MAPKAPK5: variants seen among roughly 807,000 people sequenced by gnomAD.
The protein encoded by MAPKAPK5 is MAP kinase-activated protein kinase 5.
MAPKAPK5 carries 30 observed loss-of-function variants against 65.1 expected under a neutral mutation model. The observed-to-expected ratio is 0.46, with a 90% CI of 0.34 to 0.63. MAPKAPK5 has a LOEUF of 0.63. Ranked by LOEUF, MAPKAPK5 falls within the 20% of genes least tolerant of loss-of-function variation. The pLI is 0.01. For synonymous variants in MAPKAPK5, 179 were observed against 204.6 expected, an observed-to-expected ratio of 0.87 and a Z score of 1.07; for missense variants, 433 against 581.4, an observed-to-expected ratio of 0.74 and a Z score of 2.63.
At chr12:111,887,424 C>T (rs1030983067) in intron 10 of MAPKAPK5, among the ~76,000 whole-genome samples, 1 of 152,156 alleles carries the variant, frequency 6.6e-6, no homozygotes, top group Non-Finnish European at 1.5e-5. Flanking sequence ...GTAATCCCAG[C>T]AGTTTTGAGA....
At chr12:111,892,248 CTGTGG>C (rs1251303707) in intron 13 of MAPKAPK5, among the ~76,000 whole-genome samples, 1 of 152,116 alleles carries the variant, frequency 6.6e-6, no homozygotes, top group Non-Finnish European at 1.5e-5. Context: ...AAGAAAAGGG[CTGTGG>C]TGAATACTCT....
intron 1 of MAPKAPK5, among the ~76,000 whole-genome samples, chr12:111,843,707 G>A (rs189563935): frequency 1.3e-5 from 2 of 152,286 alleles, no homozygotes; most frequent in Admixed American, 1.3e-4. Context: ...AATTCTTTAG[G>A]TGGTGTATAT....
chr12:111,902,206 C>T lies in MAPKAPK5; in HGVS notation c.*9145C>T, dbSNP rs532020496. On this transcript the variant is annotated 3_prime_UTR_variant, in exon 14 of 14. Transcript: ENST00000550735. ...TTTAAATCCAAAAACAAATAAAACC[C>T]GATTCATATTAGACAACTCTTCAGG... 19 of 152,200 alleles carry T rather than the reference C, an allele frequency of 1.2e-4. No individual in the cohort carries two copies. In the South Asian group the frequency reaches 3.1e-3, roughly 25 times the overall value. The allele number at this position is 152,200 out of a possible 1,614,324, so 9.4% of individuals were successfully genotyped here. A position where few individuals can be genotyped will look rare whatever the true frequency, so the allele number is the denominator to read the frequency against.
At chr12:111,843,448 T>A (rs566716894) in intron 1 of MAPKAPK5, 44 of 381,850 alleles carry the variant, frequency 1.2e-4, no homozygotes, top group African/African-American at 6.8e-4. Flanking sequence ...TTTTTTTTTT[T>A]AAAGGCACAT....
intron 3 of MAPKAPK5, among the ~76,000 whole-genome samples, chr12:111,867,176 C>G (rs1188879110): frequency 6.6e-6 from 1 of 152,182 alleles, no homozygotes; most frequent in East Asian, 1.9e-4. Flanking sequence ...AAGTGATCCA[C>G]TTTGGCCTCC....
rs2070684901 is a variant in MAPKAPK5, at chr12:111,893,171, G to C, written c.*110G>C. On this transcript the variant is annotated 3_prime_UTR_variant, in exon 14 of 14. Coordinates refer to ENST00000550735, the MANE Select transcript of MAPKAPK5 (RefSeq NM_003668.4). ...TAATTTCATTTCCACATTGATTAAA[G>C]CTGCTGTATAGATTTAGGGTGCAGG... 1 of 771,040 alleles carries C rather than the reference G, an allele frequency of 1.3e-6. No individual in the cohort carries two copies. The highest frequency in any genetic ancestry group is 2.8e-5 in the Admixed American group (1 of 35,558). 47.8% of individuals were successfully genotyped at this position (771,040 alleles called of 1,614,324 possible). A position where few individuals can be genotyped will look rare whatever the true frequency, so the allele number is the denominator to read the frequency against.
intron 1 of MAPKAPK5, among the ~76,000 whole-genome samples, chr12:111,852,258 C>A (rs78792664): frequency 2.6e-5 from 4 of 152,078 alleles, no homozygotes; most frequent in African/African-American, 9.7e-5. Context: ...TGTAATGTTA[C>A]ACCAGATGTG....
At chr12:111,865,449 A>C in intron 2 of MAPKAPK5, 126 bp downstream of exon 2, 1 of 687,346 alleles carries the variant, frequency 1.5e-6, no homozygotes, top group South Asian at 1.7e-5. Flanking sequence ...GGCTGAATTT[A>C]ACAAGTACAG....
intron 7 of MAPKAPK5, among the ~76,000 whole-genome samples, chr12:111,878,722 A>G (rs2070085434): frequency 6.6e-6 from 1 of 151,990 alleles, no homozygotes; most frequent in Non-Finnish European, 1.5e-5. Flanking sequence ...CCCCGCCTTA[A>G]TTTTTATCTT....
rs34843470 is a variant in MAPKAPK5 at position 111,883,765 on chromosome 12, G to A, written c.845G>A (p.Arg282Lys). ...TCAGAGATGGCCAAAGATGTTGTGA[G>A]GAAGTGAGTTCACGGGCTGCTGGGC... ...QISEMAKDVV[R>K]KLLKVKPEER... Residue 282 changes from arginine (R) to lysine (K), a missense_variant, in exon 9 of 14, where the codon AGG becomes AAG. This residue lies in a region of MAPKAPK5 where 99 missense variants were observed against 185.8 expected (regional missense o/e 0.53). Transcript: ENST00000550735. This position sits in a 1 kb window ranked among gnomAD's most constrained non-coding sequence, Gnocchi z 4.8. 3.6e-4 allele frequency: 577 copies of A among 1,613,254 alleles called. No individual in the cohort carries two copies. The highest frequency in any genetic ancestry group is 4.7e-4 in the Non-Finnish European group (550 of 1,179,648).
chr12:111,843,815 CTGTT>C (rs565187928), intron 1 of MAPKAPK5, among the ~76,000 whole-genome samples: 249 of 152,184 alleles, frequency 1.6e-3, no homozygotes, highest in African/African-American at 3.6e-3. Context: ...GGTTTTTTGT[CTGTT>C]TGTTTGTTTT....
In MAPKAPK5 at chr12:111,900,595, A is replaced by T. The variant is rs773294328; in HGVS notation, c.*7534A>T. 2.2e-6 allele frequency: 1 copy of T among 456,008 alleles called. No homozygotes were observed. The highest frequency in any genetic ancestry group is 4.4e-6 in the Non-Finnish European group (1 of 226,814). 28.2% of individuals were successfully genotyped at this position (456,008 alleles called of 1,614,324 possible). ...GCCTGTGGAAATGGTGTGGTGGAGGACACGGAGCAGTGTGACTGTGGTTCT... is the reference window on the plus strand; with the variant it reads ...GCCTGTGGAAATGGTGTGGTGGAGGTCACGGAGCAGTGTGACTGTGGTTCT... On this transcript the variant is annotated 3_prime_UTR_variant, in exon 14 of 14. Transcript: ENST00000550735.
At chr12:111,869,342 T>G (rs571675941) in intron 5 of MAPKAPK5, among the ~76,000 whole-genome samples, 1 of 152,378 alleles carries the variant, frequency 6.6e-6, no homozygotes, top group African/African-American at 2.4e-5. Context: ...AATTCTGAAT[T>G]ATTCCTGGTT....
intron 10 of MAPKAPK5, among the ~76,000 whole-genome samples, chr12:111,886,485 A>G (rs531177787): frequency 1.3e-5 from 2 of 152,270 alleles, no homozygotes; most frequent in Non-Finnish European, 2.9e-5. Context: ...TTTCCCAAAG[A>G]GAAGGCAGAA....
chr12:111,874,298 G>A (rs2069880927), intron 7 of MAPKAPK5, among the ~76,000 whole-genome samples: 1 of 151,664 alleles, frequency 6.6e-6, no homozygotes, highest in African/African-American at 2.4e-5. Flanking sequence ...GGGAGGCTGA[G>A]GCAGGAGAAT....
chr12:111,856,282 C>G (rs2069237299), intron 1 of MAPKAPK5, among the ~76,000 whole-genome samples: 1 of 151,796 alleles, frequency 6.6e-6, no homozygotes, highest in South Asian at 2.1e-4. Context: ...TTTTTATGAT[C>G]TAGAATATGG....
At chr12:111,853,201 T>TA (rs1262891582) in intron 1 of MAPKAPK5, among the ~76,000 whole-genome samples, 397 of 143,094 alleles carry the variant, frequency 2.8e-3, no homozygotes, top group African/African-American at 4.1e-3. Flanking sequence ...CCCTCTCTAC[T>TA]AAAAAAAAAA....
chr12:111,892,059 G>T (rs1445818896), intron 13 of MAPKAPK5, among the ~76,000 whole-genome samples: 1 of 152,102 alleles, frequency 6.6e-6, no homozygotes, highest in Non-Finnish European at 1.5e-5. Context: ...AGTCAGATAA[G>T]TCTGTGTTCT....
At chr12:111,888,809 G>C in intron 11 of MAPKAPK5, 76 bp from the exon 12 acceptor site, 1 of 1,564,204 alleles carries the variant, frequency 6.4e-7, no homozygotes, top group South Asian at 1.2e-5. Context: ...GTTGCCTTAT[G>C]TTTAGAGGTA....
Sources: allele counts gnomAD v4.1 joint callset (sites outside exome capture counted in the v4.1 genomes callset), GRCh38; gene constraint gnomAD v4.1.1; regional missense constraint gnomAD v4.1.1; non-coding constraint Gnocchi (gnomAD v3.1); transcripts MANE v1.5; gene names NCBI Gene and HGNC (gene_info 2026-07-23, HGNC 2026-07-21).